BRINP3: variants seen among roughly 807,000 people sequenced by gnomAD.
BRINP3 encodes the protein BMP/retinoic acid inducible neural specific 3, also known as BMP/retinoic acid-inducible neural-specific protein 3.
In BRINP3, 19 loss-of-function variants were observed where a neutral mutation model predicts 71.0. The observed-to-expected ratio is 0.27, with a 90% CI of 0.19 to 0.39. The LOEUF (loss-of-function observed/expected upper bound fraction) is 0.39, where lower values mean the gene tolerates loss of function less well. BRINP3 is among the 10% of genes least tolerant of loss of function. The pLI, the probability that BRINP3 is intolerant of heterozygous loss-of-function variation, is 1.00. For synonymous variants in BRINP3, 380 were observed against 337.7 expected (o/e 1.13, Z -1.37); for missense variants, 959 against 940.8 (o/e 1.02, Z -0.25).
At chr1:190,475,119 A>G (rs1301095455) in intron 1 of BRINP3, among the ~76,000 whole-genome samples, 1 of 152,088 alleles carries the variant, frequency 6.6e-6, no homozygotes, top group Non-Finnish European at 1.5e-5. Flanking sequence ...GAGTTGGTGA[A>G]GGAAAGGAAG....
At chr1:190,260,567 G>A (rs1661102186) in intron 4 of BRINP3, among the ~76,000 whole-genome samples, 1 of 151,588 alleles carries the variant, frequency 6.6e-6, no homozygotes, top group Non-Finnish European at 1.5e-5. Context: ...TAGAGAGAGA[G>A]AGGTAAAATT....
In BRINP3 at chr1:190,281,662, G is replaced by A. The variant is rs142073525; in HGVS notation, c.325C>T (p.Arg109Cys). ...SPLPLAPEFF[R>C]NIRLLGRRPT... ...CGACGTCCCAAAAGTCTTATGTTGC[G>A]GAAGAATTCAGGGGCAAGAGGCAGA... The change falls in exon 3 of 8, where the codon CGC becomes TGC. Residue 109 changes from arginine to cysteine, a missense_variant. Physicochemically the swap from Arg to Cys is radical, Grantham distance 180. Coordinates refer to ENST00000367462, the MANE Select transcript of BRINP3 (RefSeq NM_199051.3). 131 of 1,612,792 alleles carry A rather than the reference G, an allele frequency of 8.1e-5. No homozygotes were observed. Among genetic ancestry groups the A allele is most frequent in the East Asian group, 4.5e-4 (20 of 44,842 alleles).
chr1:190,166,889 A>G (rs1008914197), intron 6 of BRINP3, among the ~76,000 whole-genome samples: 3 of 151,988 alleles, frequency 2.0e-5, no homozygotes, highest in African/African-American at 7.2e-5. Flanking sequence ...ACTTCCGGCT[A>G]GTTTTTTATA....
intron 2 of BRINP3, among the ~76,000 whole-genome samples, chr1:190,299,557 A>G (rs1018091931): frequency 2.7e-5 from 4 of 148,184 alleles, no homozygotes; most frequent in Non-Finnish European, 6.0e-5. Context: ...AGCATTAGGT[A>G]TATCTCCCAA....
intron 7 of BRINP3, among the ~76,000 whole-genome samples, chr1:190,111,182 TAAAAAAAAAAAA>T (rs750953190): frequency 1.6e-5 from 1 of 61,812 alleles, no homozygotes; most frequent in African/African-American, 8.0e-5. Flanking sequence ...AAGACTCCAT[TAAAAAAAAAAAA>T]AAAAAAAAAA....
At chr1:190,240,036 T>C (rs368981829) in intron 4 of BRINP3, among the ~76,000 whole-genome samples, 2 of 151,684 alleles carry the variant, frequency 1.3e-5, no homozygotes, top group South Asian at 4.2e-4. Flanking sequence ...TAATTGAAGA[T>C]ATATAGATGA....
At chr1:190,366,333 G>A (rs1306968703) in intron 2 of BRINP3, among the ~76,000 whole-genome samples, 1 of 152,092 alleles carries the variant, frequency 6.6e-6, no homozygotes, top group Non-Finnish European at 1.5e-5. Flanking sequence ...AAGCCCCTTA[G>A]AAAATAATCA....
At chr1:190,313,543 G>A (rs1665676566) in intron 2 of BRINP3, among the ~76,000 whole-genome samples, 1 of 151,996 alleles carries the variant, frequency 6.6e-6, no homozygotes, top group Non-Finnish European at 1.5e-5. Flanking sequence ...ATAATCACAT[G>A]TAATGTGTAA....
At chr1:190,442,308 G>T (rs1674876970) in intron 2 of BRINP3, among the ~76,000 whole-genome samples, 2 of 152,238 alleles carry the variant, frequency 1.3e-5, no homozygotes, top group South Asian at 2.1e-4. Context: ...GTGTCTTTAA[G>T]ATAAGACCGT....
At chr1:190,267,626 C>CA (rs1661770122) in intron 3 of BRINP3, among the ~76,000 whole-genome samples, 1 of 151,782 alleles carries the variant, frequency 6.6e-6, no homozygotes, top group South Asian at 2.1e-4. Context: ...TAAACACAAC[C>CA]AAAAGTAGCT....
chr1:190,138,901 G>T (rs1285632690), intron 7 of BRINP3, among the ~76,000 whole-genome samples: 1 of 152,088 alleles, frequency 6.6e-6, no homozygotes, highest in African/African-American at 2.4e-5. Flanking sequence ...ACATCTCAAT[G>T]GCGGCAGCAG....
chr1:190,257,892 G>T (rs1388435674), intron 4 of BRINP3, among the ~76,000 whole-genome samples: 1 of 152,196 alleles, frequency 6.6e-6, no homozygotes, highest in African/African-American at 2.4e-5. Context: ...TGAGGTGTCA[G>T]TTGGCCTCTA....
chr1:190,349,212 T>A (rs978322969), intron 2 of BRINP3, among the ~76,000 whole-genome samples: 2 of 152,094 alleles, frequency 1.3e-5, no homozygotes, highest in Non-Finnish European at 2.9e-5. Context: ...CTGATTCAAA[T>A]TCCTCAATTT....
chr1:190,357,738 G>T (rs1668831886), intron 2 of BRINP3, among the ~76,000 whole-genome samples: 1 of 151,884 alleles, frequency 6.6e-6, no homozygotes. Flanking sequence ...GGATGGCATT[G>T]AATCTATAAA....
At chr1:190,189,564 G>A (rs1166438780) in intron 6 of BRINP3, among the ~76,000 whole-genome samples, 1 of 150,922 alleles carries the variant, frequency 6.6e-6, no homozygotes, top group Non-Finnish European at 1.5e-5. Flanking sequence ...CATTTTCATT[G>A]TGTTAATTGT....
At chr1:190,201,045 A>G (rs1169536454) in intron 6 of BRINP3, among the ~76,000 whole-genome samples, 1 of 152,166 alleles carries the variant, frequency 6.6e-6, no homozygotes, top group Non-Finnish European at 1.5e-5. Context: ...ACTGGGTAAC[A>G]GGCATAGGTT....
intron 7 of BRINP3, among the ~76,000 whole-genome samples, chr1:190,099,968 T>C (rs1651555654): frequency 6.6e-6 from 1 of 152,190 alleles, no homozygotes; most frequent in African/African-American, 2.4e-5. Flanking sequence ...AGTAAAATAA[T>C]GAGGGAAGAG....
chr1:190,454,706 T>C lies in BRINP3; in HGVS notation c.185A>G (p.Asp62Gly). 6.2e-7 allele frequency: 1 copy of C among 1,614,174 alleles called. No homozygotes were observed. The highest frequency in any genetic ancestry group is 8.5e-7 in the Non-Finnish European group (1 of 1,180,022). Reference sequence around the variant, plus strand: ...TCCCTGCCGGCTTCTGTCCACAAAATCTGTGTATTCCTGTGAGCGATGGAA... The same window carrying C: ...TCCCTGCCGGCTTCTGTCCACAAAACCTGTGTATTCCTGTGAGCGATGGAA... ...GPFHRSQEYTDFVDRSRQGFS... is the reference protein window; with the variant it reads ...GPFHRSQEYTGFVDRSRQGFS... Residue 62 changes from aspartate to glycine, a missense_variant, in exon 2 of 8, where the codon GAT (aspartate) becomes GGT (glycine). By Grantham distance (94) the Asp-to-Gly change is moderately conservative (BLOSUM62 -1). Coordinates refer to ENST00000367462, the MANE Select transcript of BRINP3 (RefSeq NM_199051.3).
At chr1:190,386,827 C>G (rs1670942446) in intron 2 of BRINP3, among the ~76,000 whole-genome samples, 1 of 152,088 alleles carries the variant, frequency 6.6e-6, no homozygotes, top group South Asian at 2.1e-4. Context: ...ACTCATATTG[C>G]TAGCTATTTC....
Sources: allele counts gnomAD v4.1 joint callset (sites outside exome capture counted in the v4.1 genomes callset), GRCh38; gene constraint gnomAD v4.1.1; transcripts MANE v1.5; gene names NCBI Gene and HGNC (gene_info 2026-07-23, HGNC 2026-07-21).